KSR1: variants seen among roughly 807,000 people sequenced by gnomAD.
KSR1 encodes the protein kinase suppressor of ras 1.
A neutral mutation model predicts 92.9 loss-of-function variants in KSR1; 35 were observed. The observed-to-expected ratio is 0.38, with a 90% CI of 0.29 to 0.50. The LOEUF (loss-of-function observed/expected upper bound fraction) is 0.50. Among genes scored for constraint, KSR1 ranks in the 20% least tolerant of loss-of-function variants. The pLI is 0.94. For synonymous variants in KSR1, 467 were observed against 472.6 expected, an observed-to-expected ratio of 0.99 and a Z score of 0.15; for missense variants, 972 against 1,158.5, an observed-to-expected ratio of 0.84 and a Z score of 2.34.
At chr17:27,473,475 G>A (rs1457988369) in intron 1 of KSR1, among the ~76,000 whole-genome samples, 1 of 152,196 alleles carries the variant, frequency 6.6e-6, no homozygotes, top group Non-Finnish European at 1.5e-5. Flanking sequence ...AGCAAGAGGT[G>A]GGGGCTTCTG....
chr17:27,459,434 A>G lies in KSR1; in HGVS notation c.231+2560A>G, dbSNP rs2019331927. On this transcript the variant is annotated intron_variant, in intron 1 of 20. Coordinates refer to ENST00000644974, the MANE Select transcript of KSR1 (RefSeq NM_001394583.1). This position sits in a 1 kb window ranked among gnomAD's most constrained non-coding sequence, Gnocchi z 4.6. Reference sequence around the variant, plus strand: ...AAAGGTACTTCTGCAGCTGCCTCTCATTTCATACAGGTGGGTGACACAAGC... The same window carrying G: ...AAAGGTACTTCTGCAGCTGCCTCTCGTTTCATACAGGTGGGTGACACAAGC... 6.6e-6 allele frequency among the ~76,000 whole-genome samples: 1 copy of G among 152,200 alleles called. No individual in the cohort carries two copies. Among genetic ancestry groups the G allele is most frequent in the African/African-American group, 2.4e-5 (1 of 41,452 alleles).
At chr17:27,526,380 A>G (rs1259046704) in intron 1 of KSR1, 10 of 1,464,922 alleles carry the variant, frequency 6.8e-6, no homozygotes, top group Non-Finnish European at 9.2e-6. Flanking sequence ...AGCCACCCCC[A>G]AAGTCTTAGG....
intron 1 of KSR1, 72 bp from the exon 2 acceptor site, chr17:27,550,496 T>C (rs1002469283): frequency 2.5e-5 from 19 of 748,746 alleles, no homozygotes; most frequent in Admixed American, 1.9e-4. Flanking sequence ...AGCTCCTCTG[T>C]AGTGTGCTTG....
chr17:27,539,814 A>G (rs1362614156), intron 1 of KSR1, among the ~76,000 whole-genome samples: 1 of 152,252 alleles, frequency 6.6e-6, no homozygotes, highest in Non-Finnish European at 1.5e-5. Context: ...AGGCAGATCA[A>G]GACAGATCAT....
chr17:27,622,950 C>T (rs2074264682), intron 20 of KSR1: 1 of 291,186 alleles, frequency 3.4e-6, no homozygotes, highest in East Asian at 1.1e-4. Context: ...TGCCCTGTCA[C>T]TCCTGGTATC....
intron 1 of KSR1, among the ~76,000 whole-genome samples, chr17:27,466,782 C>T (rs2019720067): frequency 6.6e-6 from 1 of 152,230 alleles, no homozygotes; most frequent in Non-Finnish European, 1.5e-5. Flanking sequence ...GCCTCTTGGC[C>T]AACGGAGGCC....
At chr17:27,550,830 G>A in intron 2 of KSR1, 122 bp downstream of exon 2, 1 of 629,186 alleles carries the variant, frequency 1.6e-6, no homozygotes, top group East Asian at 2.8e-5. Flanking sequence ...CTAGTCTTGA[G>A]AAGGAGGATG....
chr17:27,538,615 G>A (rs977404304), intron 1 of KSR1, among the ~76,000 whole-genome samples: 2 of 152,218 alleles, frequency 1.3e-5, no homozygotes, highest in Non-Finnish European at 2.9e-5. Context: ...GTGATGTGAA[G>A]ACTGGGCTGC....
chr17:27,537,418 G>A (rs2070788636), intron 1 of KSR1, among the ~76,000 whole-genome samples: 1 of 152,216 alleles, frequency 6.6e-6, no homozygotes, highest in Non-Finnish European at 1.5e-5. Context: ...CTGGCTGGAC[G>A]CAGTGGCTCA....
intron 14 of KSR1, among the ~76,000 whole-genome samples, chr17:27,606,399 A>T (rs375223367): frequency 6.6e-5 from 10 of 152,242 alleles, no homozygotes; most frequent in African/African-American, 1.7e-4. Flanking sequence ...CCTTCTGTTA[A>T]AAGGAAGACA....
At chr17:27,522,654 TG>T (rs1304515130) in intron 1 of KSR1, among the ~76,000 whole-genome samples, 2 of 152,120 alleles carry the variant, frequency 1.3e-5, no homozygotes. Context: ...GGAGAGGGCT[TG>T]AGTGAGTAGG....
intron 2 of KSR1, among the ~76,000 whole-genome samples, chr17:27,553,435 G>C (rs1164001527): frequency 1.3e-5 from 2 of 152,234 alleles, no homozygotes; most frequent in Non-Finnish European, 2.9e-5. Flanking sequence ...AGGACAGAGA[G>C]GGCGGCACAC....
At chr17:27,542,094 G>A (rs1165491746) in intron 1 of KSR1, among the ~76,000 whole-genome samples, 1 of 152,174 alleles carries the variant, frequency 6.6e-6, no homozygotes, top group Non-Finnish European at 1.5e-5. Context: ...TGCCAGCTTT[G>A]GGTTTGTGTG....
chr17:27,551,434 T>TA (rs1386230832), intron 2 of KSR1, among the ~76,000 whole-genome samples: 1 of 152,156 alleles, frequency 6.6e-6, no homozygotes, highest in Non-Finnish European at 1.5e-5. Flanking sequence ...AAATTGAAAA[T>TA]ATTGGCTTTT....
chr17:27,540,040 G>C (rs1180509259), intron 1 of KSR1, among the ~76,000 whole-genome samples: 2 of 152,236 alleles, frequency 1.3e-5, no homozygotes, highest in African/African-American at 4.8e-5. Context: ...CTCAAGCTTT[G>C]CATTTCCCAG....
intron 1 of KSR1, among the ~76,000 whole-genome samples, chr17:27,471,289 T>C (rs1413473332): frequency 6.6e-6 from 1 of 152,050 alleles, no homozygotes; most frequent in Non-Finnish European, 1.5e-5. Context: ...AGAAAGATAA[T>C]ACACATGCCA....
chr17:27,526,925 G>A, intron 1 of KSR1: 1 of 615,000 alleles, frequency 1.6e-6, no homozygotes, highest in East Asian at 2.7e-5. Flanking sequence ...TACTCAGGAG[G>A]GGGCTGACGC....
rs369021439 is a variant in KSR1 at position 27,623,250 on chromosome 17, G to A, written c.2709-64G>A. On this transcript the variant is annotated intron_variant, in intron 20 of 20. Coordinates refer to ENST00000644974, the MANE Select transcript of KSR1 (RefSeq NM_001394583.1). ...CTCTGCTGAACTCATTTCCTAGCTA[G>A]TGTTACCCTAATTCTGATGAAGATC... 305 of 729,978 alleles carry A rather than the reference G, an allele frequency of 4.2e-4. 1 individual carries two copies. In the African/African-American group the frequency reaches 4.6e-3, roughly 11 times the overall value. The allele number at this position is 729,978 out of a possible 1,614,324, so 45.2% of individuals were successfully genotyped here. A position where few individuals can be genotyped will look rare whatever the true frequency, so the allele number is the denominator to read the frequency against.
At chr17:27,566,318 A>G in intron 2 of KSR1, 1 of 395,710 alleles carries the variant, frequency 2.5e-6, no homozygotes, top group Non-Finnish European at 4.5e-6. Flanking sequence ...CCCAGCTCCC[A>G]GGCACAAACT....
Sources: gnomAD v4.1 joint callset for allele counts (sites outside exome capture counted in the v4.1 genomes callset) on GRCh38, gnomAD v4.1.1 for gene constraint, Gnocchi (gnomAD v3.1) non-coding constraint, MANE v1.5 for transcripts, NCBI Gene and HGNC (gene_info 2026-07-23, HGNC 2026-07-21) for gene names.